Variants in NBPF14 observed in about 807,000 individuals in gnomAD.
NBPF14 encodes the protein NBPF member 14, also known as NBPF family member NBPF14.
Under a neutral mutation model 91.2 loss-of-function variants are expected in NBPF14, and 104 were observed. That is an observed-to-expected ratio of 1.14 (90% confidence interval 0.97 to 1.34). The LOEUF is 1.34. NBPF14 is among the 40% of genes most tolerant of loss of function. The pLI is 0.00. For missense variants in NBPF14, 908 were observed against 783.0 expected, an observed-to-expected ratio of 1.16 and a Z score of -1.91; for synonymous variants, 294 against 303.8, an observed-to-expected ratio of 0.97 and a Z score of 0.34.
chr1:148,578,153 T>G, intron 13 of NBPF14, 119 bp from the exon 14 acceptor site: 8 of 750,742 alleles, frequency 1.1e-5, no homozygotes, highest in Non-Finnish European at 1.7e-5. Context: ...CAGGAGACTT[T>G]GAGAGAAATA....
intron 68 of NBPF14, 37 bp from the exon 69 acceptor site, chr1:148,534,893 G>A (rs1382315924): frequency 4.2e-6 from 3 of 718,000 alleles, no homozygotes; most frequent in East Asian, 2.6e-5. Flanking sequence ...TAAGCCAGGG[G>A]GAATCAGAAA....
intron 37 of NBPF14, among the ~76,000 whole-genome samples, chr1:148,559,380 G>C (rs1385080465): frequency 7.5e-6 from 1 of 133,324 alleles, no homozygotes; most frequent in Non-Finnish European, 1.5e-5. Context: ...CCAAATGGTT[G>C]CTAGGAGAAA....
At chr1:148,559,652 T>G in intron 37 of NBPF14, 141 bp downstream of exon 37, 1 of 593,146 alleles carries the variant, frequency 1.7e-6, no homozygotes. Flanking sequence ...GGAACTAGAG[T>G]TTCATTCAAC....
Position 148,576,081 on chromosome 1 carries a change from G to T in NBPF14, c.2079-270C>A, listed in dbSNP as rs1252889169. Among the ~76,000 whole-genome samples the T allele has an allele frequency of 2.1e-5, 3 of 143,748 alleles. 1 individual carries two copies. The highest frequency in any genetic ancestry group is 4.6e-5 in the Non-Finnish European group (3 of 65,862). The allele number at this position is 143,748 out of a possible 152,430, so 94.3% of individuals were successfully genotyped here. The stretch of plus-strand genomic sequence containing the variant: ...GTGACACACTGATGAAGGGGTTAAA[G>T]GACACTCTGAGTTAGTGCCCTCGGG... On this transcript the variant is annotated intron_variant, in intron 16 of 70. Transcript: ENST00000619423.
At position 148,558,106 on chromosome 1, in the gene NBPF14, C is replaced by A; in HGVS notation, c.4954+146G>T. The A allele has an allele frequency of 2.2e-5, 5 of 231,138 alleles. 1 individual carries two copies. Among genetic ancestry groups the A allele is most frequent in the Non-Finnish European group, 2.9e-5 (4 of 139,292 alleles). 14.3% of individuals were successfully genotyped at this position (231,138 alleles called of 1,614,324 possible). A position where few individuals can be genotyped will look rare whatever the true frequency, so the allele number is the denominator to read the frequency against. On this transcript the variant is annotated intron_variant, in intron 39 of 70. Coordinates refer to ENST00000619423, the Ensembl canonical transcript of NBPF14. ...ATGTCTAGGCTTCCAACTGAGACTA[C>A]AGTTTCATTACAACCTATATGCGCC...
chr1:148,579,909 CAA>C (rs1660647463), intron 12 of NBPF14, among the ~76,000 whole-genome samples: 1 of 152,104 alleles, frequency 6.6e-6, no homozygotes, highest in South Asian at 2.1e-4. Context: ...TCAACATCAA[CAA>C]AAAAGACATC....
At chr1:148,576,420 A>T in exon 16 of NBPF14, 1 of 497,164 alleles carries the variant, frequency 2.0e-6, no homozygotes. Flanking sequence ...CTGGGGCATG[A>T]TGGGTCTTGG....
chr1:148,535,464 T>G, exon 68 of NBPF14: 1 of 479,754 alleles, frequency 2.1e-6, no homozygotes, highest in East Asian at 3.6e-5. Context: ...TGGGGCATGA[T>G]GGGTCTTGGT....
At position 148,587,300 on chromosome 1, in the gene NBPF14, C is replaced by A. The variant is rs1661714422; in HGVS notation, c.1091+1G>T. On this transcript the variant is annotated splice_donor_variant, in intron 8 of 70. Coordinates refer to ENST00000619423, the Ensembl canonical transcript of NBPF14. LOFTEE classifies it high-confidence loss of function. The stretch of plus-strand genomic sequence containing the variant: ...TGCCTGCCCCCATGGGGTCCCCTCA[C>A]CTGAGCTCCTCAGCTTGCTTCAGCT... 2.5e-6 allele frequency: 4 copies of A among 1,579,946 alleles called. 1 individual carries two copies. In the Admixed American group the frequency reaches 6.7e-5, roughly 27 times the overall value.
chr1:148,593,168 T>A (rs1571065505), intron 3 of NBPF14, among the ~76,000 whole-genome samples: 1 of 145,932 alleles, frequency 6.9e-6, no homozygotes, highest in East Asian at 1.9e-4. Context: ...ATGGGGCGAA[T>A]TGAAAAGATG....
rs1655940562 is a variant in NBPF14, at chr1:148,549,742, AG to A, written c.6194-91del. ...TGTCTAATCCTCACACAGGGACTTC[AG>A]GCTCCTCAGCATGAGAATAGGACAC... On this transcript the variant is annotated intron_variant, in intron 49 of 70. Coordinates refer to ENST00000619423, the Ensembl canonical transcript of NBPF14. 2.7e-5 allele frequency: 3 copies of A among 112,926 alleles called. No individual in the cohort carries two copies. The Admixed American group carries it at 3.8e-4, about 14-fold the overall frequency. 7.0% of individuals were successfully genotyped at this position (112,926 alleles called of 1,614,324 possible).
intron 68 of NBPF14, 69 bp downstream of exon 68, chr1:148,535,384 T>A (rs1401029445): frequency 1.3e-5 from 7 of 526,976 alleles, no homozygotes; most frequent in Non-Finnish European, 2.0e-5. Flanking sequence ...AACACACTCT[T>A]GTTTTCCCTG....
intron 13 of NBPF14, 108 bp from the exon 14 acceptor site, chr1:148,578,142 A>T: frequency 1.4e-6 from 1 of 738,980 alleles, no homozygotes; most frequent in Non-Finnish European, 2.5e-6. Flanking sequence ...CAGTGTGAGA[A>T]CAGGAGACTT....
rs1658267823 is a variant in NBPF14 at position 148,566,364 on chromosome 1, A to C, written c.3543-49T>G. The C allele has an allele frequency of 5.3e-6, 4 of 754,744 alleles. No individual in the cohort carries two copies. In the Admixed American group the frequency reaches 7.1e-5, roughly 13 times the overall value. The allele number at this position is 754,744 out of a possible 1,614,324, so 46.8% of individuals were successfully genotyped here. On this transcript the variant is annotated intron_variant, in intron 28 of 70. Transcript: ENST00000619423. ...GAATAAGCCAGGGGAAATCAGACACAACAGAGCCTCAACTAGGTTTCATGG... is the reference window on the plus strand; with the variant it reads ...GAATAAGCCAGGGGAAATCAGACACCACAGAGCCTCAACTAGGTTTCATGG...
chr1:148,533,871 G>A (rs1160388776), exon 70 of NBPF14: 12 of 763,852 alleles, frequency 1.6e-5, no homozygotes, highest in Non-Finnish European at 2.9e-5. Flanking sequence ...CTGGGGCATG[G>A]TGGGTTTTGA....
At position 148,566,556 on chromosome 1, in the gene NBPF14, C is replaced by G. The variant is rs1364019379; in HGVS notation, c.3543-241G>C. ...ACACACACACAAACACACACACACA[C>G]ACAGAGAACGAGCTCAGTGAATTGT... On this transcript the variant is annotated intron_variant, in intron 28 of 70. Transcript: ENST00000619423. Among the ~76,000 whole-genome samples the G allele has an allele frequency of 4.4e-4, 64 of 144,364 alleles. 2 individuals carry two copies. The highest frequency in any genetic ancestry group is 7.8e-4 in the Non-Finnish European group (50 of 64,448). The allele number at this position is 144,364 out of a possible 152,430, so 94.7% of individuals were successfully genotyped here. A position where few individuals can be genotyped will look rare whatever the true frequency, so the allele number is the denominator to read the frequency against.
chr1:148,590,002 G>T (rs1333998979), intron 6 of NBPF14, among the ~76,000 whole-genome samples: 2 of 143,462 alleles, frequency 1.4e-5, no homozygotes, highest in Non-Finnish European at 1.5e-5. Flanking sequence ...AAAGTGCTGG[G>T]ATTAAGATGT....
chr1:148,572,328 G>T (rs1659222393), intron 21 of NBPF14, 115 bp downstream of exon 21: 2 of 262,520 alleles, frequency 7.6e-6, no homozygotes, highest in East Asian at 7.3e-5. Context: ...GCGCCCATAG[G>T]TCCTGCCTGC....
chr1:148,534,403 G>A (rs1553332198), intron 69 of NBPF14, among the ~76,000 whole-genome samples: 5 of 151,746 alleles, frequency 3.3e-5, no homozygotes, highest in African/African-American at 4.8e-5. Flanking sequence ...CAAAATCACA[G>A]TTCTCTGAAT....
Sources: allele counts gnomAD v4.1 joint callset (sites outside exome capture counted in the v4.1 genomes callset), GRCh38; gene constraint gnomAD v4.1.1; transcripts MANE v1.5; gene names NCBI Gene and HGNC (gene_info 2026-07-23, HGNC 2026-07-21).